The following BNC2 variants were observed in gnomAD, a reference collection of about 807,000 sequenced individuals.
BNC2 encodes basonuclin zinc finger protein 2.
In BNC2, 20 loss-of-function variants were observed where a neutral mutation model predicts 76.3. The observed-to-expected ratio is 0.26, with a 90% confidence interval of 0.18 to 0.38. The LOEUF is 0.38. Ranked by LOEUF, BNC2 falls within the 10% of genes least tolerant of loss-of-function variation. The probability of loss-of-function intolerance (pLI) is 1.00; values close to 1 mark genes in which losing one functional copy is unlikely to be tolerated. For missense variants in BNC2, 1,382 were observed against 1,399.8 expected (o/e 0.99, Z 0.20); for synonymous variants, 582 against 514.8 (o/e 1.13, Z -1.77).
chr9:16,519,578 T>C (rs1221188046), intron 5 of BNC2, among the ~76,000 whole-genome samples: 11 of 152,104 alleles, frequency 7.2e-5, no homozygotes, highest in African/African-American at 2.4e-4. Flanking sequence ...GCTGATCAAG[T>C]GAAACATGAG....
chr9:16,485,105 CACACAG>C (rs1361816288), intron 5 of BNC2, among the ~76,000 whole-genome samples: 7 of 110,056 alleles, frequency 6.4e-5, no homozygotes, highest in African/African-American at 1.8e-4. Flanking sequence ...CACAGAGACA[CACACAG>C]ACACACACAC....
rs541670068 is a variant in BNC2 at position 16,529,089 on chromosome 9, T to TA, written c.669+23440dup. On this transcript the variant is annotated intron_variant, in intron 5 of 6. Coordinates refer to ENST00000380672, the MANE Select transcript of BNC2 (RefSeq NM_017637.6). The stretch of plus-strand genomic sequence containing the variant: ...TTGCATATGTCTTCTGCTCTGTATG[T>TA]AATCTCCTAATATCTTACACGGATA... Among the ~76,000 whole-genome samples the TA allele has an allele frequency of 3.2e-3, 481 of 152,334 alleles. 1 individual carries two copies. Among genetic ancestry groups the TA allele is most frequent in the Middle Eastern group, 0.01 (3 of 294 alleles).
At chr9:16,471,840 T>C (rs907382051) in intron 5 of BNC2, among the ~76,000 whole-genome samples, 2 of 152,090 alleles carry the variant, frequency 1.3e-5, no homozygotes, top group African/African-American at 4.8e-5. Context: ...TTCCCACATG[T>C]TGTAGGAGGC....
chr9:16,737,107 G>C (rs886998210), intron 2 of BNC2, among the ~76,000 whole-genome samples: 1 of 149,744 alleles, frequency 6.7e-6, no homozygotes, highest in African/African-American at 2.5e-5. Flanking sequence ...TGCCCAGCTC[G>C]GCCTATTATT....
At chr9:16,465,858 G>C (rs990818177) in intron 5 of BNC2, among the ~76,000 whole-genome samples, 25 of 151,654 alleles carry the variant, frequency 1.6e-4, no homozygotes, top group Non-Finnish European at 2.4e-4. Flanking sequence ...GGAAATAAAG[G>C]GTATTCAATT....
intron 3 of BNC2, among the ~76,000 whole-genome samples, chr9:16,607,977 A>C (rs1464476745): frequency 6.6e-6 from 1 of 152,192 alleles, no homozygotes; most frequent in Non-Finnish European, 1.5e-5. Flanking sequence ...AGGTATCCAA[A>C]AACCCCCATG....
chr9:16,673,281 T>C (rs962035395), intron 3 of BNC2, among the ~76,000 whole-genome samples: 2 of 152,184 alleles, frequency 1.3e-5, no homozygotes, highest in South Asian at 2.1e-4. Context: ...CCCAGTAGCA[T>C]AGCACAGTAT....
chr9:16,444,402 G>A (rs1421364182), intron 5 of BNC2, among the ~76,000 whole-genome samples: 3 of 152,048 alleles, frequency 2.0e-5, no homozygotes, highest in South Asian at 2.1e-4. Flanking sequence ...ACACACCTTC[G>A]CAGACACTCT....
chr9:16,801,528 G>A (rs1817778900), intron 1 of BNC2, among the ~76,000 whole-genome samples: 1 of 151,814 alleles, frequency 6.6e-6, no homozygotes, highest in Admixed American at 6.6e-5. Context: ...GAGCCACCGT[G>A]GCCAGCCCCA....
intron 1 of BNC2, among the ~76,000 whole-genome samples, chr9:16,858,045 T>C (rs1239220951): frequency 1.3e-5 from 2 of 152,230 alleles, no homozygotes; most frequent in Non-Finnish European, 2.9e-5. Context: ...AACATGGTTA[T>C]TTATATAAAA....
At chr9:16,601,607 C>A (rs915183498) in intron 3 of BNC2, among the ~76,000 whole-genome samples, 1 of 152,146 alleles carries the variant, frequency 6.6e-6, no homozygotes, top group African/African-American at 2.4e-5. Context: ...TCCTACTACA[C>A]ACTCCTGAGC....
At chr9:16,611,323 T>C (rs1820539481) in intron 3 of BNC2, among the ~76,000 whole-genome samples, 1 of 152,178 alleles carries the variant, frequency 6.6e-6, no homozygotes, top group African/African-American at 2.4e-5. Flanking sequence ...GGCTCCAGGA[T>C]AGTTTTCTAA....
At chr9:16,500,688 G>A (rs186681932) in intron 5 of BNC2, among the ~76,000 whole-genome samples, 40 of 152,246 alleles carry the variant, frequency 2.6e-4, no homozygotes, top group African/African-American at 9.1e-4. Flanking sequence ...GGAGGCATGA[G>A]GGAGGGAAAA....
intron 1 of BNC2, among the ~76,000 whole-genome samples, chr9:16,830,488 T>C (rs2136016302): frequency 6.6e-6 from 1 of 152,370 alleles, no homozygotes. Context: ...GTGTAGGCAG[T>C]AATGACAAGA....
chr9:16,839,844 G>C (rs1818787313), intron 1 of BNC2, among the ~76,000 whole-genome samples: 1 of 151,880 alleles, frequency 6.6e-6, no homozygotes. Context: ...ATGCGGTGTG[G>C]TGCATGTACC....
At chr9:16,839,996 C>T (rs1489752689) in intron 1 of BNC2, among the ~76,000 whole-genome samples, 3 of 152,204 alleles carry the variant, frequency 2.0e-5, no homozygotes, top group Non-Finnish European at 2.9e-5. Flanking sequence ...ATAGCCTTTA[C>T]CAATCTATCA....
intron 1 of BNC2, among the ~76,000 whole-genome samples, chr9:16,849,829 AAAAC>A (rs1819084669): frequency 6.6e-6 from 1 of 152,212 alleles, no homozygotes; most frequent in Admixed American, 6.5e-5. Flanking sequence ...CTGAAATTCA[AAAAC>A]AAACCCTAAA....
At chr9:16,620,063 T>C (rs183004782) in intron 3 of BNC2, among the ~76,000 whole-genome samples, 428 of 152,298 alleles carry the variant, frequency 2.8e-3, no homozygotes, top group African/African-American at 9.3e-3. Flanking sequence ...CACTTTGTAA[T>C]AGACAACTAA....
At chr9:16,859,543 T>C (rs764335326) in intron 1 of BNC2, among the ~76,000 whole-genome samples, 1 of 152,216 alleles carries the variant, frequency 6.6e-6, no homozygotes, top group African/African-American at 2.4e-5. Flanking sequence ...TGTTGTATGC[T>C]ACAACATAAA....
Sources: gnomAD v4.1 joint callset for allele counts (sites outside exome capture counted in the v4.1 genomes callset) on GRCh38, gnomAD v4.1.1 for gene constraint, MANE v1.5 for transcripts, NCBI Gene and HGNC (gene_info 2026-07-23, HGNC 2026-07-21) for gene names.